DNAH5: variants seen among roughly 807,000 people sequenced by gnomAD.
DNAH5 encodes the protein dynein axonemal heavy chain 5, also known as axonemal beta dynein heavy chain 5.
A neutral mutation model predicts 518.2 loss-of-function variants in DNAH5; 372 were observed. The ratio of observed to expected loss-of-function variants is 0.72; its 90% CI spans 0.66 to 0.78. The LOEUF (loss-of-function observed/expected upper bound fraction) is 0.78. DNAH5 is among the 30% of genes least tolerant of loss of function. The pLI, the probability that DNAH5 is intolerant of heterozygous loss-of-function variation, is 0.00. For missense variants in DNAH5, 5,523 were observed against 5,687.0 expected (o/e 0.97, Z 0.93); for synonymous variants, 2,039 against 2,025.9 (o/e 1.01, Z -0.17).
intron 1 of DNAH5, among the ~76,000 whole-genome samples, chr5:13,942,730 T>A (rs1779578963): frequency 1.3e-5 from 2 of 152,012 alleles, no homozygotes; most frequent in Admixed American, 6.6e-5. Flanking sequence ...CCCATTGATG[T>A]CTCCTCTAAG....
chr5:13,891,056 C>G lies in DNAH5; in HGVS notation c.2497G>C (p.Glu833Gln). ...LIEFRIDAIL[E>Q]EMSSTPLCQL... Reference sequence around the variant, plus strand: ...CAAAGAGGCGTGCTGCTCATTTCTTCTAGAATGGCATCAATGCGGAACTCA... The same window carrying G: ...CAAAGAGGCGTGCTGCTCATTTCTTGTAGAATGGCATCAATGCGGAACTCA... Residue 833 changes from glutamate (E) to glutamine (Q), a missense_variant, in exon 17 of 79, where the codon GAA becomes CAA. This residue lies in a region of DNAH5 where 5,121 missense variants were observed against 5,223.3 expected (regional missense o/e 0.98). Coordinates refer to ENST00000265104, the MANE Select transcript of DNAH5 (RefSeq NM_001369.3). 6.2e-7 allele frequency: 1 copy of G among 1,614,124 alleles called. No homozygotes were observed. The highest frequency in any genetic ancestry group is 1.3e-5 in the African/African-American group (1 of 75,032).
At chr5:13,775,172 A>G (rs1174926997) in intron 55 of DNAH5, among the ~76,000 whole-genome samples, 1 of 96,734 alleles carries the variant, frequency 1.0e-5, no homozygotes, top group African/African-American at 3.9e-5. Context: ...AGTTATATTT[A>G]CATTTTTATG....
At chr5:13,960,966 A>G (rs997169125) in intron 1 of DNAH5, among the ~76,000 whole-genome samples, 1 of 151,810 alleles carries the variant, frequency 6.6e-6, no homozygotes, top group Admixed American at 6.6e-5. Context: ...CATTCCCCCT[A>G]CCTTCTTCAG....
chr5:13,926,794 GT>G (rs1305114618), intron 3 of DNAH5, among the ~76,000 whole-genome samples: 1 of 152,198 alleles, frequency 6.6e-6, no homozygotes, highest in East Asian at 1.9e-4. Flanking sequence ...CAGAAGGCCA[GT>G]TTCATCCAGT....
intron 1 of DNAH5, among the ~76,000 whole-genome samples, chr5:13,942,473 A>T (rs1371777784): frequency 6.6e-6 from 1 of 152,152 alleles, no homozygotes; most frequent in Non-Finnish European, 1.5e-5. Flanking sequence ...TGCTTGGCCA[A>T]ACTTTAGTCA....
intron 42 of DNAH5, 65 bp from the exon 43 acceptor site, chr5:13,814,911 T>G: frequency 6.8e-7 from 1 of 1,477,094 alleles, no homozygotes; most frequent in Non-Finnish European, 9.3e-7. Context: ...TACACATAAG[T>G]TTAAAATAGC....
intron 3 of DNAH5, among the ~76,000 whole-genome samples, chr5:13,927,887 CT>C (rs1389568317): frequency 2.0e-5 from 3 of 152,194 alleles, no homozygotes; most frequent in Non-Finnish European, 4.4e-5. Context: ...CAACTGTAAT[CT>C]GTCCTCCATC....
chr5:13,716,809 A>G, intron 73 of DNAH5, 119 bp from the exon 74 acceptor site: 2 of 751,206 alleles, frequency 2.7e-6, no homozygotes, highest in Non-Finnish European at 4.7e-6. Flanking sequence ...CTTCATCAGT[A>G]CTGCAAAGAG....
chr5:13,755,351 A>C (rs1469542452), intron 61 of DNAH5, among the ~76,000 whole-genome samples: 1 of 152,188 alleles, frequency 6.6e-6, no homozygotes, highest in East Asian at 1.9e-4. Flanking sequence ...CTGAAGCCAT[A>C]AAAAAATCCT....
chr5:13,891,214 T>C, intron 16 of DNAH5, 93 bp from the exon 17 acceptor site: 7 of 1,365,138 alleles, frequency 5.1e-6, no homozygotes, highest in Non-Finnish European at 7.3e-6. Flanking sequence ...AGTAGTAAAA[T>C]CAGCTTTAAA....
chr5:13,885,181 C>T lies in DNAH5; in HGVS notation c.2791G>A (p.Ala931Thr). ...GTCAAAAGCAGGGCATTGGCCCTGG[C>T]ATTAATAGATGATGTCAAGGTGTCA... Reference protein sequence around the residue: ...NFDTLTSSINARANALLLTTV... With the variant: ...NFDTLTSSINTRANALLLTTV... Residue 931 changes from alanine to threonine, a missense_variant, in exon 19 of 79, where the codon GCC becomes ACC. Around this residue, in one of 3 missense-constraint regions of DNAH5, gnomAD observed 5,121 missense variants for 5,223.3 expected, o/e 0.98. Transcript: ENST00000265104. 2 of 1,614,096 alleles carry T rather than the reference C, an allele frequency of 1.2e-6. No individual in the cohort carries two copies. The highest frequency in any genetic ancestry group is 2.2e-5 in the South Asian group (2 of 91,082).
chr5:13,796,951 A>G (rs1757918984), intron 47 of DNAH5, among the ~76,000 whole-genome samples: 1 of 152,238 alleles, frequency 6.6e-6, no homozygotes, highest in Non-Finnish European at 1.5e-5. Flanking sequence ...GAAATGAGGA[A>G]AGGATTCCCT....
intron 1 of DNAH5, among the ~76,000 whole-genome samples, chr5:13,950,250 T>A (rs887779659): frequency 6.6e-6 from 1 of 152,094 alleles, no homozygotes; most frequent in Non-Finnish European, 1.5e-5. Flanking sequence ...CAGATGCCCA[T>A]ATTTTGAACA....
intron 1 of DNAH5, among the ~76,000 whole-genome samples, chr5:13,942,777 G>C (rs1438123456): frequency 2.0e-5 from 3 of 151,918 alleles, no homozygotes; most frequent in African/African-American, 7.3e-5. Context: ...CTGCTCCTTG[G>C]CTACAAATCC....
intron 6 of DNAH5, among the ~76,000 whole-genome samples, chr5:13,919,925 C>G (rs1224547339): frequency 6.6e-6 from 1 of 152,204 alleles, no homozygotes; most frequent in Non-Finnish European, 1.5e-5. Flanking sequence ...AATCTGCAAT[C>G]AAAAACTACC....
rs772354057 is a variant in DNAH5, at chr5:13,788,755, A to G, written c.8608T>C (p.Tyr2870His). The G allele has an allele frequency of 1.2e-6, 2 of 1,614,148 alleles. No homozygotes were observed. Among genetic ancestry groups the G allele is most frequent in the Non-Finnish European group, 1.7e-6 (2 of 1,180,020 alleles). ...KLLVDCGIDT[Y>H]FVDFLRDAPE... ...GCATCTCTCAAGAAATCCACAAAAT[A>G]TGTGTCAATTCCACAATCCACCAAG... The change falls in exon 51 of 79, where the codon TAT becomes CAT. Residue 2870 changes from tyrosine (Y) to histidine (H), a missense_variant. Tyr to His is a moderately conservative substitution (Grantham distance 83). Transcript: ENST00000265104.
chr5:13,906,452 T>A (rs1013706980), intron 12 of DNAH5, among the ~76,000 whole-genome samples: 1 of 152,178 alleles, frequency 6.6e-6, no homozygotes, highest in African/African-American at 2.4e-5. Flanking sequence ...AAATATTTAA[T>A]GAGGTGTAAA....
At chr5:13,920,210 A>C (rs1284346283) in intron 6 of DNAH5, among the ~76,000 whole-genome samples, 2 of 152,266 alleles carry the variant, frequency 1.3e-5, no homozygotes, top group East Asian at 3.8e-4. Context: ...GGTTCTCTCC[A>C]AAGTAAATTA....
chr5:13,792,265 T>G, intron 49 of DNAH5, 48 bp from the exon 50 acceptor site: 2 of 1,524,046 alleles, frequency 1.3e-6, no homozygotes, highest in African/African-American at 1.4e-5. Flanking sequence ...TCAAAGAAAT[T>G]AAATGAAAAT....
Sources: allele counts gnomAD v4.1 joint callset (sites outside exome capture counted in the v4.1 genomes callset), GRCh38; gene constraint gnomAD v4.1.1; regional missense constraint gnomAD v4.1.1; transcripts MANE v1.5; gene names NCBI Gene and HGNC (gene_info 2026-07-23, HGNC 2026-07-21).